The following GRM7 variants were observed in gnomAD, a reference collection of about 807,000 sequenced individuals.
GRM7 encodes the protein metabotropic glutamate receptor 7.
GRM7 carries 35 observed loss-of-function variants against 84.5 expected under a neutral mutation model. The observed-to-expected ratio is 0.41, with a 90% CI of 0.32 to 0.55. GRM7 has a LOEUF of 0.55. Ranked by LOEUF, GRM7 falls within the 20% of genes least tolerant of loss-of-function variation. The pLI is 0.19. For synonymous variants in GRM7, 487 were observed against 455.1 expected (o/e 1.07, Z -0.89); for missense variants, 1,003 against 1,194.6 (o/e 0.84, Z 2.36).
At chr3:7,653,527 G>A (rs1353697345) in intron 8 of GRM7, among the ~76,000 whole-genome samples, 1 of 152,088 alleles carries the variant, frequency 6.6e-6, no homozygotes, top group Non-Finnish European at 1.5e-5. Context: ...CCCAGAACCA[G>A]CCTTCCTCTA....
intron 7 of GRM7, among the ~76,000 whole-genome samples, chr3:7,508,592 T>C (rs1451664826): frequency 6.6e-6 from 1 of 152,132 alleles, no homozygotes; most frequent in African/African-American, 2.4e-5. Context: ...AATATCATGG[T>C]GAGTCTGGAA....
intron 7 of GRM7, among the ~76,000 whole-genome samples, chr3:7,562,320 G>A (rs1430283161): frequency 1.3e-5 from 2 of 151,432 alleles, no homozygotes; most frequent in Admixed American, 6.6e-5. Flanking sequence ...TAAAACCCAA[G>A]TGAAGTAATA....
chr3:6,907,904 C>A (rs927034657), intron 1 of GRM7, among the ~76,000 whole-genome samples: 2 of 152,038 alleles, frequency 1.3e-5, no homozygotes, highest in Admixed American at 6.6e-5. Flanking sequence ...CTTTAGAAGT[C>A]AGTTTCTTTT....
intron 1 of GRM7, among the ~76,000 whole-genome samples, chr3:6,877,708 T>G (rs569457184): frequency 6.6e-6 from 1 of 151,984 alleles, no homozygotes; most frequent in East Asian, 1.9e-4. Context: ...GGGAAGAAAA[T>G]AGGCCACTGG....
intron 8 of GRM7, among the ~76,000 whole-genome samples, chr3:7,624,235 G>T (rs1176904401): frequency 6.6e-6 from 1 of 152,062 alleles, no homozygotes; most frequent in Non-Finnish European, 1.5e-5. Context: ...CCAGGCTGGA[G>T]GATCAGAATG....
chr3:7,376,126 A>T (rs542836578), intron 4 of GRM7, among the ~76,000 whole-genome samples: 1 of 152,204 alleles, frequency 6.6e-6, no homozygotes, highest in East Asian at 1.9e-4. Flanking sequence ...TTTTAATTAA[A>T]TTTTTCTGCT....
At chr3:7,177,841 T>C (rs1295151105) in intron 2 of GRM7, among the ~76,000 whole-genome samples, 1 of 152,190 alleles carries the variant, frequency 6.6e-6, no homozygotes, top group Non-Finnish European at 1.5e-5. Flanking sequence ...AGACCTCAAG[T>C]CTGATTAAAT....
At chr3:7,135,247 A>C (rs1693735100) in intron 1 of GRM7, among the ~76,000 whole-genome samples, 1 of 152,240 alleles carries the variant, frequency 6.6e-6, no homozygotes, top group African/African-American at 2.4e-5. Flanking sequence ...AGATAAGTAT[A>C]AATCAAAGGG....
intron 4 of GRM7, among the ~76,000 whole-genome samples, chr3:7,413,396 C>T (rs1395948551): frequency 6.6e-6 from 1 of 152,178 alleles, no homozygotes; most frequent in Non-Finnish European, 1.5e-5. Flanking sequence ...AACTTCAAGA[C>T]TTAATTTATT....
chr3:7,338,653 C>T (rs1308902976), intron 4 of GRM7, among the ~76,000 whole-genome samples: 2 of 152,030 alleles, frequency 1.3e-5, no homozygotes, highest in Non-Finnish European at 2.9e-5. Flanking sequence ...GAAGTTCACA[C>T]CATGGATGCT....
intron 1 of GRM7, among the ~76,000 whole-genome samples, chr3:6,985,871 A>T (rs992773143): frequency 6.6e-6 from 1 of 152,194 alleles, no homozygotes; most frequent in Non-Finnish European, 1.5e-5. Flanking sequence ...GTACAAAAAG[A>T]CCTTCCCGAG....
At chr3:7,399,492 GC>G (rs1382277968) in intron 4 of GRM7, among the ~76,000 whole-genome samples, 1 of 152,086 alleles carries the variant, frequency 6.6e-6, no homozygotes, top group Non-Finnish European at 1.5e-5. Flanking sequence ...TGCTGTTTCT[GC>G]CTCATTTTTC....
intron 2 of GRM7, among the ~76,000 whole-genome samples, chr3:7,183,487 C>T (rs184139388): frequency 2.6e-5 from 4 of 152,100 alleles, no homozygotes; most frequent in South Asian, 4.2e-4. Context: ...ACTAGCAGGG[C>T]GTGGTGGTGC....
chr3:7,407,650 T>G (rs970027342), intron 4 of GRM7, among the ~76,000 whole-genome samples: 1 of 152,190 alleles, frequency 6.6e-6, no homozygotes, highest in Non-Finnish European at 1.5e-5. Context: ...ATTTGGAATA[T>G]GTGAAGAAAT....
At chr3:7,187,225 A>AC (rs1491269234) in intron 2 of GRM7, among the ~76,000 whole-genome samples, 34 of 147,026 alleles carry the variant, frequency 2.3e-4, no homozygotes, top group African/African-American at 9.3e-4. Flanking sequence ...ACACACACAC[A>AC]AAATCTTGTC....
At chr3:7,651,094 G>A (rs1284907050) in intron 8 of GRM7, among the ~76,000 whole-genome samples, 1 of 152,194 alleles carries the variant, frequency 6.6e-6, no homozygotes, top group African/African-American at 2.4e-5. Context: ...TGTTCATACA[G>A]TTCACGTCTT....
intron 7 of GRM7, among the ~76,000 whole-genome samples, chr3:7,506,423 A>G (rs1700041208): frequency 6.6e-6 from 1 of 151,900 alleles, no homozygotes; most frequent in South Asian, 2.1e-4. Context: ...TTTCTAGCCT[A>G]CTCCTCCAAA....
rs1299481679 is a variant in GRM7, at chr3:7,365,629, ATGTGTGTGTGCG to A, written c.1034-49386_1034-49375del. 6.4e-3 allele frequency among the ~76,000 whole-genome samples: 855 copies of A among 133,972 alleles called. 6 individuals are homozygous for A. Among genetic ancestry groups the A allele is most frequent in the African/African-American group, 0.023 (809 of 34,622 alleles). 87.9% of individuals were successfully genotyped at this position (133,972 alleles called of 152,430 possible). ...CATACAGTAGTCTGATTTAATATGCATGTGTGTGTGCGTGTGTGTATATATATATATATATAC... is the reference window on the plus strand; with the variant it reads ...CATACAGTAGTCTGATTTAATATGCATGTGTGTATATATATATATATATAC... On this transcript the variant is annotated intron_variant, in intron 4 of 9. Coordinates refer to ENST00000357716, the MANE Select transcript of GRM7 (RefSeq NM_000844.4).
chr3:6,892,876 GA>G (rs1257611594), intron 1 of GRM7: 2 of 152,036 alleles, frequency 1.3e-5, no homozygotes, highest in Non-Finnish European at 2.9e-5. Context: ...AAAACGATGC[GA>G]AACCCGAACT....
Sources: gnomAD v4.1 joint callset for allele counts (sites outside exome capture counted in the v4.1 genomes callset) on GRCh38, gnomAD v4.1.1 for gene constraint, MANE v1.5 for transcripts, NCBI Gene and HGNC (gene_info 2026-07-23, HGNC 2026-07-21) for gene names.